Variants in CNTN3 observed in about 807,000 individuals in gnomAD.
The protein encoded by CNTN3 is contactin 3, also known as contactin-3.
A neutral mutation model predicts 119.1 loss-of-function variants in CNTN3; 60 were observed. The observed-to-expected ratio is 0.50, with a 90% confidence interval of 0.41 to 0.62. The LOEUF (loss-of-function observed/expected upper bound fraction) is 0.62, where lower values mean the gene tolerates loss of function less well. Among genes scored for constraint, CNTN3 ranks in the 20% least tolerant of loss-of-function variants. CNTN3 has a pLI of 0.00. For synonymous variants in CNTN3, 450 were observed against 438.7 expected, an observed-to-expected ratio of 1.03 and a Z score of -0.32; for missense variants, 1,101 against 1,242.4, an observed-to-expected ratio of 0.89 and a Z score of 1.71.
intron 5 of CNTN3, among the ~76,000 whole-genome samples, chr3:74,375,016 T>C (rs1299979864): frequency 6.6e-6 from 1 of 152,188 alleles, no homozygotes. Flanking sequence ...AAAATGGTTT[T>C]ATAAACACTC....
At chr3:74,542,735 A>G (rs1703859503) in intron 1 of CNTN3, among the ~76,000 whole-genome samples, 1 of 152,168 alleles carries the variant, frequency 6.6e-6, no homozygotes, top group African/African-American at 2.4e-5. Flanking sequence ...ACAGTGTTCA[A>G]AAGATTTGAG....
rs749785382 is a variant in CNTN3 at position 74,441,076 on chromosome 3, TAAGC to T, written c.359-16140_359-16137del. On this transcript the variant is annotated intron_variant, in intron 4 of 22. Coordinates refer to ENST00000263665, the MANE Select transcript of CNTN3 (RefSeq NM_020872.3). Reference sequence around the variant, plus strand: ...CATGTATCTGAATTTCAAAATTTTATAAGCAAGCAAATGAATGTAATTTATAACT... The same window carrying T: ...CATGTATCTGAATTTCAAAATTTTATAAGCAAATGAATGTAATTTATAACT... Among the ~76,000 whole-genome samples, 10 of 152,214 alleles carry T rather than the reference TAAGC, an allele frequency of 6.6e-5. No individual in the cohort carries two copies. The South Asian group carries it at 1.5e-3, about 22-fold the overall frequency.
At chr3:74,565,640 C>T (rs999246223) in intron 1 of CNTN3, among the ~76,000 whole-genome samples, 1 of 152,124 alleles carries the variant, frequency 6.6e-6, no homozygotes, top group South Asian at 2.1e-4. Context: ...TCACTCACAA[C>T]CTCCAACGTG....
At chr3:74,344,411 T>A (rs942609087) in intron 11 of CNTN3, among the ~76,000 whole-genome samples, 1 of 4,578 alleles carries the variant, frequency 2.2e-4, no homozygotes, top group Non-Finnish European at 4.7e-4. Context: ...TTTTTTTTTT[T>A]TTTTTTTTTT....
chr3:74,507,164 A>T (rs1703276578), intron 2 of CNTN3, among the ~76,000 whole-genome samples: 1 of 152,174 alleles, frequency 6.6e-6, no homozygotes, highest in Non-Finnish European at 1.5e-5. Context: ...CACATCTATA[A>T]TCACAGCACT....
At chr3:74,280,192 A>T (rs1380282555) in intron 20 of CNTN3, among the ~76,000 whole-genome samples, 1 of 152,198 alleles carries the variant, frequency 6.6e-6, no homozygotes, top group East Asian at 1.9e-4. Flanking sequence ...GAATTAAAAA[A>T]AAAGCATACC....
chr3:74,468,770 A>G (rs536379567), intron 4 of CNTN3, among the ~76,000 whole-genome samples: 1 of 150,396 alleles, frequency 6.6e-6, no homozygotes, highest in East Asian at 1.9e-4. Flanking sequence ...GGTTATAGCA[A>G]ACAAGTGCCA....
At chr3:74,578,200 G>A (rs1048834611) in intron 1 of CNTN3, among the ~76,000 whole-genome samples, 2 of 151,848 alleles carry the variant, frequency 1.3e-5, no homozygotes, top group Admixed American at 6.6e-5. Context: ...CCCTCAACCA[G>A]ACTCTGGTTA....
chr3:74,512,176 TTTA>T (rs1310128274), intron 2 of CNTN3, among the ~76,000 whole-genome samples: 1 of 152,194 alleles, frequency 6.6e-6, no homozygotes, highest in Non-Finnish European at 1.5e-5. Context: ...GCATCAAACT[TTTA>T]ATTACCTCTG....
intron 20 of CNTN3, among the ~76,000 whole-genome samples, chr3:74,280,090 A>G (rs1701971735): frequency 6.6e-6 from 1 of 152,128 alleles, no homozygotes; most frequent in East Asian, 1.9e-4. Context: ...CTTATTTCAC[A>G]TTGCATATCT....
intron 4 of CNTN3, among the ~76,000 whole-genome samples, chr3:74,481,025 C>A (rs988964918): frequency 7.3e-5 from 11 of 151,710 alleles, no homozygotes; most frequent in African/African-American, 2.7e-4. Flanking sequence ...TAATATATTA[C>A]CATATAAACT....
In CNTN3 at chr3:74,320,887, A is replaced by C. The variant is rs527718513; in HGVS notation, c.1668+13848T>G. Among the ~76,000 whole-genome samples, 24 of 152,048 alleles carry C rather than the reference A, an allele frequency of 1.6e-4. No individual in the cohort carries two copies. The South Asian group carries it at 5.0e-3, about 32-fold the overall frequency. ...TCAGGATTATGTCTTGTCTATGTCTATATCCTCAACTGGGCACAGTGCTTG... is the reference window on the plus strand; with the variant it reads ...TCAGGATTATGTCTTGTCTATGTCTCTATCCTCAACTGGGCACAGTGCTTG... On this transcript the variant is annotated intron_variant, in intron 13 of 22. Transcript: ENST00000263665.
At chr3:74,322,011 C>A (rs1014186920) in intron 13 of CNTN3, among the ~76,000 whole-genome samples, 1 of 151,838 alleles carries the variant, frequency 6.6e-6, no homozygotes, top group East Asian at 1.9e-4. Context: ...CATGGTGAAA[C>A]CCCGTCTCCA....
At chr3:74,442,849 A>C (rs1226258570) in intron 4 of CNTN3, among the ~76,000 whole-genome samples, 1 of 152,234 alleles carries the variant, frequency 6.6e-6, no homozygotes, top group African/African-American at 2.4e-5. Context: ...TTTGGAGATG[A>C]AACTGTTGCA....
chr3:74,595,939 C>T (rs1012095874), intron 1 of CNTN3, among the ~76,000 whole-genome samples: 41 of 151,996 alleles, frequency 2.7e-4, no homozygotes, highest in Admixed American at 4.6e-4. Flanking sequence ...ATCTAGAAAA[C>T]CCCATTGTCT....
At chr3:74,278,831 T>C (rs1385719871) in intron 20 of CNTN3, among the ~76,000 whole-genome samples, 1 of 150,916 alleles carries the variant, frequency 6.6e-6, no homozygotes, top group Non-Finnish European at 1.5e-5. Flanking sequence ...ACCTAAAGAG[T>C]AGGAGAAAAT....
chr3:74,449,371 C>G (rs11128387), intron 4 of CNTN3, among the ~76,000 whole-genome samples: 107,867 of 151,800 alleles, frequency 0.71, 38,646 homozygotes, highest in African/African-American at 0.79. Flanking sequence ...TACTCTTTTA[C>G]AACACTAATC....
At chr3:74,473,058 T>C (rs993361419) in intron 4 of CNTN3, among the ~76,000 whole-genome samples, 1 of 151,310 alleles carries the variant, frequency 6.6e-6, no homozygotes, top group Non-Finnish European at 1.5e-5. Context: ...TTATAATCTA[T>C]AATAATTAAA....
chr3:74,605,329 G>A (rs114664166), intron 1 of CNTN3, among the ~76,000 whole-genome samples: 1,772 of 152,102 alleles, frequency 0.012, 34 homozygotes, highest in African/African-American at 0.041. Flanking sequence ...GATATAATAT[G>A]TTATTTAGCT....
Sources: allele counts gnomAD v4.1 joint callset (sites outside exome capture counted in the v4.1 genomes callset), GRCh38; gene constraint gnomAD v4.1.1; transcripts MANE v1.5; gene names NCBI Gene and HGNC (gene_info 2026-07-23, HGNC 2026-07-21).